The following ATRX variants were observed in gnomAD, a reference collection of about 807,000 sequenced individuals.
The protein encoded by ATRX is ATRX chromatin remodeler.
A neutral mutation model predicts 172.6 loss-of-function variants in ATRX; 12 were observed. That is an observed-to-expected ratio of 0.07 (90% CI 0.04 to 0.11). The LOEUF is 0.11. Ranked by LOEUF, ATRX falls within the 10% of genes least tolerant of loss-of-function variation. The pLI is 1.00. For synonymous variants in ATRX, 674 were observed against 594.7 expected, an observed-to-expected ratio of 1.13 and a Z score of -1.94; for missense variants, 1,368 against 1,767.4, an observed-to-expected ratio of 0.77 and a Z score of 4.05.
At chrX:77,591,587 T>C (rs1010729564) in intron 26 of ATRX, among the ~76,000 whole-genome samples, 12 of 111,235 alleles carry the variant, frequency 1.1e-4, no homozygotes, top group Non-Finnish European at 2.3e-4. Context: ...GTGTTTTTTA[T>C]TGTATGACTT....
intron 1 of ATRX, among the ~76,000 whole-genome samples, chrX:77,757,929 C>T (rs1458427272): frequency 9.1e-6 from 1 of 109,658 alleles, no homozygotes; most frequent in African/African-American, 3.3e-5. Flanking sequence ...CTCGGCCTCC[C>T]AATTGACTTA....
rs2072840105 is a variant in ATRX at position 77,706,660 on chromosome X, T to C, written c.134-8031A>G. Among the ~76,000 whole-genome samples, 5 of 111,189 alleles carry C rather than the reference T, an allele frequency of 4.5e-5. No individual in the cohort carries two copies. In the Admixed American group the frequency reaches 4.8e-4, roughly 11 times the overall value. ...GTCTCACGCCTGTAATCCCAGCTAC[T>C]TGTGAGGCCAAGGTGGATCGCCTGA... On this transcript the variant is annotated intron_variant, in intron 2 of 34. Transcript: ENST00000373344.
chrX:77,581,076 A>G (rs1245128778), intron 27 of ATRX, among the ~76,000 whole-genome samples: 2 of 111,819 alleles, frequency 1.8e-5, no homozygotes, highest in Non-Finnish European at 3.8e-5. Context: ...GGATAAACAA[A>G]CAAACAAAAA....
chrX:77,622,856 C>T (rs1412563911), intron 19 of ATRX, among the ~76,000 whole-genome samples: 4 of 110,218 alleles, frequency 3.6e-5, no homozygotes, highest in African/African-American at 1.3e-4. Context: ...ATACACCCAC[C>T]TGAATACAAT....
At chrX:77,676,163 T>C (rs1233467946) in intron 10 of ATRX, 63 bp downstream of exon 10, 1 of 1,060,685 alleles carries the variant, frequency 9.4e-7, no homozygotes, top group East Asian at 3.1e-5. Flanking sequence ...CCGTTGCTGC[T>C]GTTTGTGCCC....
At chrX:77,741,940 G>T (rs1557182429) in intron 1 of ATRX, among the ~76,000 whole-genome samples, 1 of 111,742 alleles carries the variant, frequency 8.9e-6, no homozygotes, top group Non-Finnish European at 1.9e-5. Flanking sequence ...TTAACGTTAA[G>T]ATCTTTGATG....
intron 12 of ATRX, among the ~76,000 whole-genome samples, chrX:77,663,004 A>T (rs887427591): frequency 6.3e-5 from 7 of 111,724 alleles, no homozygotes; most frequent in Non-Finnish European, 9.4e-5. Flanking sequence ...CATACACTTA[A>T]ATTTCATTAC....
In ATRX at chrX:77,681,983, C is replaced by A. The variant is rs2148577440; in HGVS notation, c.3273G>T (p.Lys1091Asn). The change falls in exon 9 of 35, where the codon AAG (lysine) becomes AAT (asparagine). Residue 1091 changes from lysine to asparagine, a missense_variant. Physicochemically the swap from Lys to Asn is moderately conservative, Grantham distance 94 (BLOSUM62 0). Coordinates refer to ENST00000373344, the MANE Select transcript of ATRX (RefSeq NM_000489.6). ...KSKNGAYGRE[K>N]KRCKLLGKSS... ...TCTTTCCAAGCAACTTGCACCTTTT[C>A]TTCTCTCTACCATATGCTCCATTCT... 8.3e-7 allele frequency: 1 copy of A among 1,210,357 alleles called. No homozygotes were observed. The highest frequency in any genetic ancestry group is 3.0e-5 in the East Asian group (1 of 33,793).
chrX:77,701,017 G>A (rs180896565), intron 2 of ATRX, among the ~76,000 whole-genome samples: 1 of 112,000 alleles, frequency 8.9e-6, no homozygotes, highest in East Asian at 2.8e-4. Flanking sequence ...CACCAAGAGT[G>A]AACCTTAACA....
chrX:77,559,369 T>C (rs1220940645), intron 28 of ATRX, among the ~76,000 whole-genome samples: 2 of 90,725 alleles, frequency 2.2e-5, no homozygotes, highest in African/African-American at 9.6e-5. Flanking sequence ...GAAGGGTGTC[T>C]AAAGAAAAAA....
intron 26 of ATRX, among the ~76,000 whole-genome samples, chrX:77,592,233 G>A (rs1451139245): frequency 9.2e-6 from 1 of 109,095 alleles, no homozygotes; most frequent in Non-Finnish European, 1.9e-5. Flanking sequence ...CCAACGTGGT[G>A]AAACCCCGTC....
chrX:77,624,300 G>C (rs782348599), intron 19 of ATRX, among the ~76,000 whole-genome samples: 29 of 111,251 alleles, frequency 2.6e-4, no homozygotes, highest in African/African-American at 9.1e-4. Context: ...CCGGGAGGCG[G>C]AGCTTGCAGT....
intron 1 of ATRX, among the ~76,000 whole-genome samples, chrX:77,726,622 T>C (rs2074054701): frequency 9.1e-6 from 1 of 110,221 alleles, no homozygotes; most frequent in African/African-American, 3.3e-5. Context: ...TAAAGTGTAA[T>C]AAAAAAAAAT....
intron 34 of ATRX, among the ~76,000 whole-genome samples, chrX:77,512,643 T>C (rs1216700327): frequency 9.0e-6 from 1 of 110,902 alleles, no homozygotes; most frequent in Middle Eastern, 4.3e-3. Context: ...CCAAGGTGGA[T>C]GGATCACCTG....
At chrX:77,635,858 C>T in intron 16 of ATRX, 57 bp downstream of exon 16, 5 of 1,111,298 alleles carry the variant, frequency 4.5e-6, no homozygotes, top group Non-Finnish European at 4.9e-6. Flanking sequence ...CTGCCTCACA[C>T]CCAAATATTG....
chrX:77,760,157 AT>A (rs2075661054), intron 1 of ATRX, among the ~76,000 whole-genome samples: 1 of 109,126 alleles, frequency 9.2e-6, no homozygotes, highest in Non-Finnish European at 1.9e-5. Context: ...GACTAGCTAC[AT>A]TTCCAGTACT....
chrX:77,631,948 A>G (rs1557105758), intron 19 of ATRX, among the ~76,000 whole-genome samples: 1 of 112,256 alleles, frequency 8.9e-6, no homozygotes, highest in African/African-American at 3.2e-5. Context: ...CTACCTTTTC[A>G]ACTTTCATGT....
intron 19 of ATRX, among the ~76,000 whole-genome samples, chrX:77,622,055 C>G (rs1689778411): frequency 8.9e-6 from 1 of 111,806 alleles, no homozygotes; most frequent in African/African-American, 3.3e-5. Context: ...CTCTCATACA[C>G]TCTGTGGGAG....
At chrX:77,672,252 TC>T (rs2070663111) in intron 10 of ATRX, among the ~76,000 whole-genome samples, 1 of 111,090 alleles carries the variant, frequency 9.0e-6, no homozygotes, top group East Asian at 2.8e-4. Flanking sequence ...AAAAAATTAT[TC>T]CAAATTTAGC....
Sources: allele counts gnomAD v4.1 joint callset (sites outside exome capture counted in the v4.1 genomes callset), GRCh38; gene constraint gnomAD v4.1.1; transcripts MANE v1.5; gene names NCBI Gene and HGNC (gene_info 2026-07-23, HGNC 2026-07-21).